The following TRMT44 variants were observed in gnomAD, a reference collection of about 807,000 sequenced individuals.
TRMT44 encodes probable tRNA (uracil-O(2)-)-methyltransferase.
A neutral mutation model predicts 77.3 loss-of-function variants in TRMT44; 78 were observed. That is an observed-to-expected ratio of 1.01 (90% CI 0.84 to 1.22). The LOEUF (loss-of-function observed/expected upper bound fraction) is 1.22. Among genes scored for constraint, TRMT44 ranks in the 50% most tolerant of loss-of-function variants. The pLI, the probability that TRMT44 is intolerant of heterozygous loss-of-function variation, is 0.00. For synonymous variants in TRMT44, 391 were observed against 383.3 expected (o/e 1.02, Z -0.23); for missense variants, 1,090 against 964.4 (o/e 1.13, Z -1.73).
chr4:8,452,877 C>T lies in TRMT44; in HGVS notation c.1024-5C>T. 6.6e-7 allele frequency: 1 copy of T among 1,508,180 alleles called. No individual in the cohort carries two copies. The allele number at this position is 1,508,180 out of a possible 1,614,324, so 93.4% of individuals were successfully genotyped here. A position where few individuals can be genotyped will look rare whatever the true frequency, so the allele number is the denominator to read the frequency against. ...TGACTTTGTTTTGTTTTTCTCTTCA[C>T]TTAGATTCTATGGGAAGAAGAAAGG... is the stretch of plus-strand genomic sequence containing the variant. On this transcript the variant is annotated splice_polypyrimidine_tract_variant and splice_region_variant and intron_variant, in intron 4 of 10. Coordinates refer to ENST00000389737, the MANE Select transcript of TRMT44 (RefSeq NM_152544.3). This position sits in a 1 kb window ranked among gnomAD's most constrained non-coding sequence, Gnocchi z 5.7.
chr4:8,451,953 G>C lies in TRMT44; in HGVS notation c.955-7G>C, dbSNP rs1403602138. 1 of 1,536,536 alleles carries C rather than the reference G, an allele frequency of 6.5e-7. No homozygotes were observed. Among genetic ancestry groups the C allele is most frequent in the African/African-American group, 1.4e-5 (1 of 73,046 alleles). On this transcript the variant is annotated splice_polypyrimidine_tract_variant and splice_region_variant and intron_variant, in intron 3 of 10. Transcript: ENST00000389737. The surrounding 1 kb of genome is among the most constrained non-coding windows in gnomAD (Gnocchi z 4.1). ...ACAATTTATGTTTGCTCTTGAAACTGTTTTAGGTGTGGCCTGAAGTCACTG... is the reference window on the plus strand; with the variant it reads ...ACAATTTATGTTTGCTCTTGAAACTCTTTTAGGTGTGGCCTGAAGTCACTG...
At chr4:8,507,255 GGGCCCCCGACCA>G in the TRMT44 span, 1 of 152,298 alleles carries the variant, frequency 6.6e-6, no homozygotes, top group East Asian at 1.9e-4. Context: ...CACACCATGG[GGGCCCCCGACCA>G]GGCGAGGCCA....
At chr4:8,469,110 G>A (rs1302408277) in intron 9 of TRMT44, among the ~76,000 whole-genome samples, 1 of 152,188 alleles carries the variant, frequency 6.6e-6, no homozygotes, top group Non-Finnish European at 1.5e-5. Context: ...ATGAATGTTG[G>A]GACAAAATCA....
intron 2 of TRMT44, among the ~76,000 whole-genome samples, chr4:8,484,214 G>A (rs1727732456): frequency 6.6e-6 from 1 of 152,184 alleles, no homozygotes; most frequent in Non-Finnish European, 1.5e-5. Context: ...GGGAAATGGG[G>A]TGAACGTCAG....
chr4:8,442,887 A>G lies in TRMT44; in HGVS notation c.619+1446A>G, dbSNP rs145206640. Among the ~76,000 whole-genome samples, 1,026 of 152,262 alleles carry G rather than the reference A, an allele frequency of 6.7e-3. 6 individuals are homozygous for G. The highest frequency in any genetic ancestry group is 0.021 in the African/African-American group (858 of 41,536). ...GAAAATTCTCTGCTCTTCGTGGCCCATGGAGTTAGGCCGGGCTCACCTGGA... is the reference window on the plus strand; with the variant it reads ...GAAAATTCTCTGCTCTTCGTGGCCCGTGGAGTTAGGCCGGGCTCACCTGGA... On this transcript the variant is annotated intron_variant, in intron 1 of 10. Coordinates refer to ENST00000389737, the MANE Select transcript of TRMT44 (RefSeq NM_152544.3).
chr4:8,485,505 T>C (rs1232740812), intron 2 of TRMT44, among the ~76,000 whole-genome samples: 1 of 152,150 alleles, frequency 6.6e-6, no homozygotes, highest in Non-Finnish European at 1.5e-5. Context: ...TTTTAAAGCG[T>C]GCTGTGGGAT....
chr4:8,467,968 G>A lies in TRMT44; in HGVS notation c.1549G>A (p.Asp517Asn), dbSNP rs748431087. The A allele has an allele frequency of 1.9e-6, 3 of 1,613,910 alleles. No homozygotes were observed. The highest frequency in any genetic ancestry group is 3.3e-5 in the Admixed American group (2 of 60,000). Residue 517 changes from aspartate to asparagine, a missense_variant, in exon 9 of 11, where the codon GAT (aspartate) becomes AAT (asparagine). Coordinates refer to ENST00000389737, the MANE Select transcript of TRMT44 (RefSeq NM_152544.3). Reference protein sequence around the residue: ...TYPSSREASVDEKRTQYIKSR... With the variant: ...TYPSSREASVNEKRTQYIKSR... ...CCCTTCCTCCAGAGAAGCTTCCGTG[G>A]ATGAAAAGAGGACTCAGTACATTAA...
chr4:8,450,986 A>G (rs933881072), intron 3 of TRMT44, among the ~76,000 whole-genome samples: 3 of 148,710 alleles, frequency 2.0e-5, no homozygotes, highest in African/African-American at 5.0e-5. Context: ...AAGTTTTGCC[A>G]TGTTTCCCAG....
intron 10 of TRMT44, among the ~76,000 whole-genome samples, chr4:8,471,795 C>T (rs548728744): frequency 1.3e-5 from 2 of 152,334 alleles, no homozygotes; most frequent in Admixed American, 6.5e-5. Flanking sequence ...TCACTCAGCC[C>T]GCAAAGCAAG....
chr4:8,442,143 A>T (rs1724768478), intron 1 of TRMT44, among the ~76,000 whole-genome samples: 1 of 152,248 alleles, frequency 6.6e-6, no homozygotes, highest in East Asian at 1.9e-4. Context: ...GTAAGACAGT[A>T]GGTCTCGCCC....
chr4:8,481,167 C>A (rs1183395406), downstream of TRMT44, among the ~76,000 whole-genome samples: 1 of 152,216 alleles, frequency 6.6e-6, no homozygotes, highest in Non-Finnish European at 1.5e-5. Flanking sequence ...TTCTATCAAT[C>A]CCAGGTCTTC....
At chr4:8,465,673 C>A in intron 8 of TRMT44, 112 bp downstream of exon 8, 1 of 940,802 alleles carries the variant, frequency 1.1e-6, no homozygotes, top group Non-Finnish European at 1.6e-6. Flanking sequence ...TGTTCTAGAA[C>A]GTGCCGGTGC....
chr4:8,442,105 T>C (rs908681466), intron 1 of TRMT44, among the ~76,000 whole-genome samples: 1 of 152,234 alleles, frequency 6.6e-6, no homozygotes, highest in Admixed American at 6.5e-5. Flanking sequence ...CAAAGGAGTG[T>C]CTTTCTCCTT....
Position 8,451,950 on chromosome 4 carries a change from A to G in TRMT44, c.955-10A>G. ...CGAACAATTTATGTTTGCTCTTGAA[A>G]CTGTTTTAGGTGTGGCCTGAAGTCA... On this transcript the variant is annotated splice_polypyrimidine_tract_variant and intron_variant, in intron 3 of 10. Transcript: ENST00000389737. The surrounding 1 kb of genome is among the most constrained non-coding windows in gnomAD (Gnocchi z 4.1). 1 of 1,536,552 alleles carries G rather than the reference A, an allele frequency of 6.5e-7. No homozygotes were observed. The highest frequency in any genetic ancestry group is 1.2e-5 in the South Asian group (1 of 84,058).
chr4:8,470,969 G>A, intron 9 of TRMT44, 115 bp from the exon 10 acceptor site: 1 of 703,504 alleles, frequency 1.4e-6, no homozygotes, highest in South Asian at 1.8e-5. Flanking sequence ...CCTTCGTGCT[G>A]GAGTGCATAA....
chr4:8,441,382 T>C lies in TRMT44; in HGVS notation c.560T>C (p.Ile187Thr). 2.0e-6 allele frequency: 3 copies of C among 1,531,798 alleles called. No individual in the cohort carries two copies. In the South Asian group the frequency reaches 3.6e-5, roughly 18 times the overall value. 94.9% of individuals were successfully genotyped at this position (1,531,798 alleles called of 1,614,324 possible). ...CTCGACGTGGTTCTCAGAACCGTCA[T>C]CCCGAAAACTAGCCCACATTGCCCC... is the stretch of plus-strand genomic sequence containing the variant. The part of the protein sequence containing the change: ...RELDVVLRTV[I>T]PKTSPHCPLT... The change falls in exon 1 of 11, where the codon ATC becomes ACC. Residue 187 changes from isoleucine (I) to threonine (T), a missense_variant. Ile to Thr is a moderately conservative substitution (Grantham distance 89). Transcript: ENST00000389737.
intron 7 of TRMT44, 81 bp downstream of exon 7, chr4:8,464,172 T>G: frequency 9.0e-7 from 1 of 1,105,554 alleles, no homozygotes; most frequent in Non-Finnish European, 1.3e-6. Context: ...GGGTAGCCAC[T>G]AGCTGCGTGC....
intron 2 of TRMT44, among the ~76,000 whole-genome samples, chr4:8,489,590 C>A (rs1231253136): frequency 6.6e-6 from 1 of 152,200 alleles, no homozygotes. Context: ...GATTCTCCTG[C>A]CTCAGCCTCC....
intron 6 of TRMT44, among the ~76,000 whole-genome samples, chr4:8,458,018 C>T (rs539960749): frequency 1.3e-5 from 2 of 152,114 alleles, no homozygotes; most frequent in Admixed American, 6.6e-5. Context: ...GCCAACCCAG[C>T]GCCAGATGAT....
Sources: gnomAD v4.1 joint callset for allele counts (sites outside exome capture counted in the v4.1 genomes callset) on GRCh38, gnomAD v4.1.1 for gene constraint, Gnocchi (gnomAD v3.1) non-coding constraint, MANE v1.5 for transcripts, NCBI Gene and HGNC (gene_info 2026-07-23, HGNC 2026-07-21) for gene names.